ATAD2B: variants seen among roughly 807,000 people sequenced by gnomAD.
ATAD2B encodes the protein ATPase family AAA domain-containing protein 2B.
ATAD2B carries 40 observed loss-of-function variants against 167.6 expected under a neutral mutation model. The observed-to-expected ratio is 0.24, with a 90% CI of 0.19 to 0.31. The LOEUF (loss-of-function observed/expected upper bound fraction) is 0.31, where lower values mean the gene tolerates loss of function less well. ATAD2B is among the 10% of genes least tolerant of loss of function. The pLI, the probability that ATAD2B is intolerant of heterozygous loss-of-function variation, is 1.00. For missense variants in ATAD2B, 1,242 were observed against 1,757.2 expected, an observed-to-expected ratio of 0.71 and a Z score of 5.24; for synonymous variants, 579 against 596.5, an observed-to-expected ratio of 0.97 and a Z score of 0.43.
intron 11 of ATAD2B, among the ~76,000 whole-genome samples, chr2:23,864,440 A>G (rs1009277122): frequency 6.6e-6 from 1 of 152,152 alleles, no homozygotes; most frequent in Non-Finnish European, 1.5e-5. Context: ...TTTCAAAAAT[A>G]CTCCATCATC....
intron 4 of ATAD2B, among the ~76,000 whole-genome samples, chr2:23,887,270 G>A (rs188920128): frequency 2.6e-5 from 4 of 152,172 alleles, no homozygotes; most frequent in Admixed American, 2.0e-4. Flanking sequence ...CTATGCTGCC[G>A]TGACTGGTCT....
chr2:23,836,654 G>A (rs1283513832), intron 13 of ATAD2B, among the ~76,000 whole-genome samples: 3 of 151,982 alleles, frequency 2.0e-5, no homozygotes, highest in Non-Finnish European at 4.4e-5. Context: ...CTCTCTACAG[G>A]CAGGTCGTCA....
At chr2:23,738,465 G>A in the ATAD2B span, among the ~76,000 whole-genome samples, 2 of 152,090 alleles carry the variant, frequency 1.3e-5, no homozygotes, top group Non-Finnish European at 2.9e-5. Context: ...CATAAGTGAA[G>A]GAGAAATAAA....
the ATAD2B span, among the ~76,000 whole-genome samples, chr2:23,729,180 T>TG: frequency 6.6e-6 from 1 of 152,116 alleles, no homozygotes; most frequent in African/African-American, 2.4e-5. Flanking sequence ...GAGATTTGGG[T>TG]GGGGACACAA....
chr2:23,787,046 G>GA (rs367703424), intron 20 of ATAD2B, among the ~76,000 whole-genome samples: 22,847 of 135,828 alleles, frequency 0.17, 1,974 homozygotes, highest in Middle Eastern at 0.3. Flanking sequence ...GGAAGGGAGG[G>GA]AAAAAAAAAA....
the ATAD2B span, among the ~76,000 whole-genome samples, chr2:23,709,754 CA>C: frequency 6.6e-6 from 1 of 152,142 alleles, no homozygotes; most frequent in African/African-American, 2.4e-5. Flanking sequence ...TAAATATTTG[CA>C]GTGATACCTT....
chr2:23,722,533 A>G, the ATAD2B span, among the ~76,000 whole-genome samples: 4 of 152,206 alleles, frequency 2.6e-5, no homozygotes, highest in African/African-American at 4.8e-5. Flanking sequence ...TAACACAGAC[A>G]AAATAAATAA....
intron 1 of ATAD2B, among the ~76,000 whole-genome samples, chr2:23,910,800 G>A (rs1016335143): frequency 2.0e-5 from 3 of 151,674 alleles, no homozygotes; most frequent in East Asian, 2.0e-4. Flanking sequence ...CCTAGGAGGC[G>A]GAGGTTGCAG....
intron 1 of ATAD2B, among the ~76,000 whole-genome samples, chr2:23,922,479 G>C (rs1413693711): frequency 1.4e-5 from 2 of 145,498 alleles, no homozygotes; most frequent in Non-Finnish European, 3.1e-5. Context: ...GTAATGATAA[G>C]AGAGGAAAAA....
chr2:23,807,413 T>C lies in ATAD2B; in HGVS notation c.2454+2903A>G, dbSNP rs1057113973. Among the ~76,000 whole-genome samples the C allele has an allele frequency of 6.6e-5, 10 of 152,078 alleles. No individual in the cohort carries two copies. The South Asian group carries it at 1.9e-3, about 28-fold the overall frequency. On this transcript the variant is annotated intron_variant, in intron 18 of 27. Coordinates refer to ENST00000238789, the MANE Select transcript of ATAD2B (RefSeq NM_017552.4). ...TTCCAAACCTCTTGCCTCAAAAGAGTTGATCAGAAGACTGAAGATAACAAA... is the reference window on the plus strand; with the variant it reads ...TTCCAAACCTCTTGCCTCAAAAGAGCTGATCAGAAGACTGAAGATAACAAA...
chr2:23,832,057 G>A (rs556237457), intron 14 of ATAD2B, among the ~76,000 whole-genome samples: 7 of 152,148 alleles, frequency 4.6e-5, no homozygotes, highest in Admixed American at 3.3e-4. Context: ...ATTCACTGAC[G>A]ACCTACATCA....
intron 1 of ATAD2B, among the ~76,000 whole-genome samples, chr2:23,896,260 G>A (rs960081726): frequency 6.6e-6 from 1 of 151,752 alleles, no homozygotes; most frequent in Non-Finnish European, 1.5e-5. Context: ...AGGAGGCGGA[G>A]GCTGCCGTGA....
chr2:23,874,630 GAGGCTGAGGCTGC>G (rs1375705669), intron 8 of ATAD2B, among the ~76,000 whole-genome samples: 1 of 151,858 alleles, frequency 6.6e-6, no homozygotes, highest in African/African-American at 2.4e-5. Flanking sequence ...TTGAGTCCAG[GAGGCTGAGGCTGC>G]AATGAGCCAT....
intron 13 of ATAD2B, among the ~76,000 whole-genome samples, chr2:23,852,977 A>C (rs1275120230): frequency 6.8e-6 from 1 of 146,174 alleles, no homozygotes; most frequent in Non-Finnish European, 1.5e-5. Context: ...AATAGAATAC[A>C]GGAGAAAAGC....
Position 23,883,577 on chromosome 2 carries a change from T to C in ATAD2B, c.784+1188A>G, listed in dbSNP as rs1240795489. The C allele has an allele frequency of 3.2e-6, 4 of 1,269,268 alleles. No homozygotes were observed. The East Asian group carries it at 2.3e-4, about 72-fold the overall frequency. 78.6% of individuals were successfully genotyped at this position (1,269,268 alleles called of 1,614,324 possible). A position where few individuals can be genotyped will look rare whatever the true frequency, so the allele number is the denominator to read the frequency against. ...AGTTAATGAAAAGGCAAGAATCGCA[T>C]TATAAATCTGTCTCACCTATACTGA... On this transcript the variant is annotated intron_variant, in intron 6 of 27. Transcript: ENST00000238789.
At chr2:23,882,328 T>C (rs1363142085) in intron 6 of ATAD2B, among the ~76,000 whole-genome samples, 1 of 151,792 alleles carries the variant, frequency 6.6e-6, no homozygotes, top group Non-Finnish European at 1.5e-5. Flanking sequence ...CCCGAGTAGC[T>C]GCGATTACAG....
chr2:23,718,165 G>T, the ATAD2B span, among the ~76,000 whole-genome samples: 2 of 152,110 alleles, frequency 1.3e-5, no homozygotes, highest in African/African-American at 4.8e-5. Context: ...CAGTAAACTG[G>T]GTAGGAAAAG....
chr2:23,680,285 T>C, the ATAD2B span, among the ~76,000 whole-genome samples: 1 of 152,040 alleles, frequency 6.6e-6, no homozygotes, highest in African/African-American at 2.4e-5. The surrounding 1 kb of genome is among the most constrained non-coding windows in gnomAD (Gnocchi z 4.1). Context: ...GGCCTGCGGA[T>C]TGCGGGCAGT....
chr2:23,776,481 A>G (rs1368029214), intron 22 of ATAD2B, among the ~76,000 whole-genome samples: 2 of 152,258 alleles, frequency 1.3e-5, no homozygotes, highest in Non-Finnish European at 2.9e-5. Flanking sequence ...CAGGATTTAT[A>G]CACAGAGAAT....
Sources: gnomAD v4.1 joint callset for allele counts (sites outside exome capture counted in the v4.1 genomes callset) on GRCh38, gnomAD v4.1.1 for gene constraint, Gnocchi (gnomAD v3.1) non-coding constraint, MANE v1.5 for transcripts, NCBI Gene and HGNC (gene_info 2026-07-23, HGNC 2026-07-21) for gene names.